The following WDPCP variants were observed in gnomAD, a reference collection of about 807,000 sequenced individuals.
The protein encoded by WDPCP is WD repeat containing planar cell polarity effector.
WDPCP carries 71 observed loss-of-function variants against 93.1 expected under a neutral mutation model. The observed-to-expected ratio is 0.76, with a 90% CI of 0.63 to 0.93. The LOEUF (loss-of-function observed/expected upper bound fraction) is 0.93. Among genes scored for constraint, WDPCP ranks in the 40% least tolerant of loss-of-function variants. The probability of loss-of-function intolerance (pLI) is 0.00; values close to 1 mark genes in which losing one functional copy is unlikely to be tolerated. For synonymous variants in WDPCP, 315 were observed against 315.0 expected, an observed-to-expected ratio of 1.00 and a Z score of 0.00; for missense variants, 844 against 887.4, an observed-to-expected ratio of 0.95 and a Z score of 0.62.
At chr2:63,599,327 C>G (rs760656645) in intron 3 of WDPCP, 1 of 1,586,358 alleles carries the variant, frequency 6.3e-7, no homozygotes, top group East Asian at 2.3e-5. Context: ...TGTGGTTGTT[C>G]AACTTTAAAA....
the WDPCP span, among the ~76,000 whole-genome samples, chr2:63,835,389 CAAAAAAAA>C: frequency 2.4e-5 from 1 of 42,352 alleles, no homozygotes; most frequent in Non-Finnish European, 4.9e-5. Context: ...GACTCCATCT[CAAAAAAAA>C]AAAAAAAAAA....
chr2:63,753,861 C>T lies in WDPCP; in HGVS notation n.308+59761G>A, dbSNP rs140998380. 4.1e-3 allele frequency among the ~76,000 whole-genome samples: 625 copies of T among 152,244 alleles called. 3 individuals carry two copies. The highest frequency in any genetic ancestry group is 0.014 in the African/African-American group (585 of 41,526). ...TACCTGAGAAGAGGATCTTACCTCT[C>T]GTGTTCAGTTTTATGGAAGTAGGTA... On this transcript the variant is annotated intron_variant and non_coding_transcript_variant, in intron 2 of 4. Transcript: ENST00000467687.
intron 15 of WDPCP, among the ~76,000 whole-genome samples, chr2:63,173,075 A>C (rs1229834191): frequency 6.6e-6 from 1 of 152,108 alleles, no homozygotes; most frequent in African/African-American, 2.4e-5. Context: ...CAGCCTGGCC[A>C]ACATGGTGAA....
chr2:63,162,581 G>A (rs188204916), intron 15 of WDPCP, among the ~76,000 whole-genome samples: 1 of 152,204 alleles, frequency 6.6e-6, no homozygotes, highest in East Asian at 1.9e-4. Flanking sequence ...TATTTGAATG[G>A]GGAGAGGACT....
chr2:63,413,786 AAAACAAACAAAC>A (rs35156273), intron 9 of WDPCP, among the ~76,000 whole-genome samples: 2 of 150,504 alleles, frequency 1.3e-5, no homozygotes, highest in African/African-American at 4.9e-5. Context: ...TCTGTCTCAA[AAAACAAACAAAC>A]AAACAAACAA....
At chr2:63,177,967 G>A (rs1005279146) in intron 14 of WDPCP, among the ~76,000 whole-genome samples, 1 of 152,042 alleles carries the variant, frequency 6.6e-6, no homozygotes, top group African/African-American at 2.4e-5. Flanking sequence ...TTTTTTGTGT[G>A]TGTATCAATT....
At chr2:63,832,616 A>G (rs1671230575), upstream of WDPCP, among the ~76,000 whole-genome samples, 1 of 152,158 alleles carries the variant, frequency 6.6e-6, no homozygotes, top group African/African-American at 2.4e-5. Flanking sequence ...GCCATCCAAA[A>G]CATGTTTCCA....
chr2:63,647,789 A>G (rs775753100), intron 3 of WDPCP, among the ~76,000 whole-genome samples: 1 of 152,172 alleles, frequency 6.6e-6, no homozygotes, highest in Non-Finnish European at 1.5e-5. Context: ...TCTCTGTATT[A>G]TCATTTTTTT....
At chr2:63,528,264 T>C (rs1267003675) in intron 1 of WDPCP, among the ~76,000 whole-genome samples, 1 of 152,236 alleles carries the variant, frequency 6.6e-6, no homozygotes, top group Non-Finnish European at 1.5e-5. Flanking sequence ...CCATTGCTTT[T>C]GGTGTTTTAG....
At chr2:63,570,045 T>C (rs1021451489) in intron 1 of WDPCP, among the ~76,000 whole-genome samples, 1 of 152,162 alleles carries the variant, frequency 6.6e-6, no homozygotes, top group Non-Finnish European at 1.5e-5. Context: ...TCAATACTTA[T>C]TCACTAAAAC....
intron 13 of WDPCP, among the ~76,000 whole-genome samples, chr2:63,303,905 A>T (rs981337511): frequency 2.0e-5 from 3 of 151,456 alleles, no homozygotes; most frequent in Non-Finnish European, 4.4e-5. Flanking sequence ...TTATCAGAGA[A>T]ATTAAAATTA....
intron 1 of WDPCP, among the ~76,000 whole-genome samples, chr2:63,587,926 A>G (rs1305344543): frequency 6.6e-6 from 1 of 152,242 alleles, no homozygotes; most frequent in Non-Finnish European, 1.5e-5. Flanking sequence ...CCTGGAAGGG[A>G]GAGGCTCACC....
At chr2:63,482,250 T>G (rs1282796699) in intron 6 of WDPCP, among the ~76,000 whole-genome samples, 5 of 152,016 alleles carry the variant, frequency 3.3e-5, no homozygotes, top group African/African-American at 1.2e-4. Context: ...AATTTACCAT[T>G]TCTTGGGAGA....
chr2:63,824,276 C>G (rs1671075674), intron 1 of WDPCP, among the ~76,000 whole-genome samples: 1 of 151,958 alleles, frequency 6.6e-6, no homozygotes, highest in African/African-American at 2.4e-5. Context: ...CTGAGGACTC[C>G]CCAGCCACGT....
chr2:63,285,794 CTAAAG>C (rs1683953886), intron 13 of WDPCP, among the ~76,000 whole-genome samples: 2 of 152,152 alleles, frequency 1.3e-5, no homozygotes, highest in South Asian at 4.2e-4. Context: ...TTTACTAGTT[CTAAAG>C]TAAAGAGGAT....
At chr2:63,756,807 T>A (rs1007845480) in intron 2 of WDPCP, among the ~76,000 whole-genome samples, 1 of 152,200 alleles carries the variant, frequency 6.6e-6, no homozygotes, top group African/African-American at 2.4e-5. Flanking sequence ...GGTCCTTTAA[T>A]CCTGTTAATC....
rs1369626646 is a variant in WDPCP, at chr2:63,710,896, C to CT, written n.309-60059dup. Among the ~76,000 whole-genome samples the CT allele has an allele frequency of 3.9e-5, 6 of 152,124 alleles. No homozygotes were observed. The South Asian group carries it at 1.2e-3, about 32-fold the overall frequency. ...TATTAGGGATCTATTTCATCCTGGA[C>CT]TTTGAGGTATGAAAAGGCAGGCTCA... On this transcript the variant is annotated intron_variant and non_coding_transcript_variant, in intron 2 of 4. Transcript: ENST00000467687.
At chr2:63,691,619 G>C (rs902044705) in intron 2 of WDPCP, among the ~76,000 whole-genome samples, 1 of 151,902 alleles carries the variant, frequency 6.6e-6, no homozygotes, top group Admixed American at 6.6e-5. Flanking sequence ...TGGGCAACAA[G>C]AGCTAAACTC....
chr2:63,322,843 C>A (rs1355431564), intron 12 of WDPCP, among the ~76,000 whole-genome samples: 3 of 152,114 alleles, frequency 2.0e-5, no homozygotes, highest in Non-Finnish European at 4.4e-5. Flanking sequence ...ACCATCGGAC[C>A]CCTTTCGCTT....
Sources: gnomAD v4.1 joint callset for allele counts (sites outside exome capture counted in the v4.1 genomes callset) on GRCh38, gnomAD v4.1.1 for gene constraint, MANE v1.5 for transcripts, NCBI Gene and HGNC (gene_info 2026-07-23, HGNC 2026-07-21) for gene names.